Variants in RBFOX1 observed in about 807,000 individuals in gnomAD.
The protein encoded by RBFOX1 is RNA binding fox-1 homolog 1, also known as RNA binding protein fox-1 homolog 1.
RBFOX1 carries 8 observed loss-of-function variants against 57.7 expected under a neutral mutation model. That is an observed-to-expected ratio of 0.14 (90% CI 0.08 to 0.25). The LOEUF is 0.25. Ranked by LOEUF, RBFOX1 falls within the 10% of genes least tolerant of loss-of-function variation. The pLI is 1.00. For missense variants in RBFOX1, 611 were observed against 548.5 expected, an observed-to-expected ratio of 1.11 and a Z score of -1.14; for synonymous variants, 326 against 222.4, an observed-to-expected ratio of 1.47 and a Z score of -4.15.
chr16:6,830,284 C>A (rs2092612505), intron 3 of RBFOX1, among the ~76,000 whole-genome samples: 1 of 152,162 alleles, frequency 6.6e-6, no homozygotes, highest in Non-Finnish European at 1.5e-5. Context: ...CTGATATACA[C>A]AACAGGGAAA....
intron 4 of RBFOX1, among the ~76,000 whole-genome samples, chr16:7,360,541 G>A (rs2097301050): frequency 6.6e-6 from 1 of 152,132 alleles, no homozygotes; most frequent in Non-Finnish European, 1.5e-5. Context: ...GAAGGTAACG[G>A]GTGGCCTGAG....
At chr16:6,735,247 G>C (rs1028217711) in intron 3 of RBFOX1, among the ~76,000 whole-genome samples, 3 of 152,146 alleles carry the variant, frequency 2.0e-5, no homozygotes, top group Admixed American at 6.5e-5. Context: ...AAAGGGTATG[G>C]TTTGGGAGTT....
chr16:6,897,983 A>ACT (rs759303931), intron 3 of RBFOX1, among the ~76,000 whole-genome samples: 1 of 151,896 alleles, frequency 6.6e-6, no homozygotes, highest in Non-Finnish European at 1.5e-5. Context: ...AAGGTCTGTA[A>ACT]CTCTGCTAAA....
Position 5,999,369 on chromosome 16 carries a change from T to C in RBFOX1, c.351+132034T>C, listed in dbSNP as rs149338984. On this transcript the variant is annotated intron_variant, in intron 4 of 19. Coordinates refer to the RBFOX1 transcript ENST00000641259. ...CACAAATAAATCCTTCCTTAAGTCT[T>C]CAGACCGGGTCAAACTCTTCCCCCA... Among the ~76,000 whole-genome samples the C allele has an allele frequency of 5.3e-3, 813 of 152,344 alleles. 10 individuals carry two copies. The highest frequency in any genetic ancestry group is 0.018 in the African/African-American group (753 of 41,578).
intron 3 of RBFOX1, among the ~76,000 whole-genome samples, chr16:6,819,111 C>T (rs892952536): frequency 3.9e-5 from 6 of 152,124 alleles, no homozygotes; most frequent in Non-Finnish European, 5.9e-5. Flanking sequence ...TTTCAGGATC[C>T]AACAATTTCC....
At chr16:7,154,466 A>G (rs914738106) in intron 4 of RBFOX1, among the ~76,000 whole-genome samples, 4 of 152,230 alleles carry the variant, frequency 2.6e-5, no homozygotes, top group Non-Finnish European at 5.9e-5. Context: ...GATTTACCTG[A>G]CAAGAGGTCA....
chr16:5,507,230 A>G (rs1276767125), intron 2 of RBFOX1, among the ~76,000 whole-genome samples: 1 of 152,146 alleles, frequency 6.6e-6, no homozygotes. Flanking sequence ...TGCGGCCACC[A>G]TGACTGTCAT....
intron 4 of RBFOX1, among the ~76,000 whole-genome samples, chr16:7,280,194 C>T (rs1453930137): frequency 6.6e-6 from 1 of 152,208 alleles, no homozygotes; most frequent in Non-Finnish European, 1.5e-5. Context: ...TGACTAAATT[C>T]AGCTGTTTTC....
At chr16:6,930,208 A>G (rs1276671163) in intron 3 of RBFOX1, among the ~76,000 whole-genome samples, 1 of 152,224 alleles carries the variant, frequency 6.6e-6, no homozygotes, top group Non-Finnish European at 1.5e-5. Context: ...GAATATATTG[A>G]GAACTCCTAA....
At chr16:5,432,348 A>G (rs1237956065) in intron 1 of RBFOX1, among the ~76,000 whole-genome samples, 1 of 152,036 alleles carries the variant, frequency 6.6e-6, no homozygotes, top group Non-Finnish European at 1.5e-5. Flanking sequence ...TAGTCATCGT[A>G]ATAGCCCTGG....
chr16:5,827,493 C>A (rs932577841), intron 3 of RBFOX1, among the ~76,000 whole-genome samples: 2 of 151,886 alleles, frequency 1.3e-5, no homozygotes, highest in Admixed American at 6.6e-5. Context: ...TCTCTATGCA[C>A]CCCGAGAACT....
intron 3 of RBFOX1, among the ~76,000 whole-genome samples, chr16:6,916,880 C>G (rs1385134479): frequency 6.6e-6 from 1 of 152,102 alleles, no homozygotes; most frequent in Non-Finnish European, 1.5e-5. Flanking sequence ...GATGGAGTCT[C>G]TCTCTGTTGC....
At chr16:7,489,517 T>TA (rs201759419) in intron 4 of RBFOX1, among the ~76,000 whole-genome samples, 1 of 41,154 alleles carries the variant, frequency 2.4e-5, no homozygotes, top group Non-Finnish European at 4.9e-5. Context: ...TTATTATTAT[T>TA]TTTTTTTTGA....
At chr16:5,516,609 C>G (rs1468618492) in intron 2 of RBFOX1, among the ~76,000 whole-genome samples, 1 of 152,158 alleles carries the variant, frequency 6.6e-6, no homozygotes, top group Non-Finnish European at 1.5e-5. Context: ...ATCTTGATTC[C>G]TGATTTGGTT....
chr16:7,216,984 T>C, intron 4 of RBFOX1, among the ~76,000 whole-genome samples: 1 of 116,592 alleles, frequency 8.6e-6, no homozygotes, highest in South Asian at 2.8e-4. Context: ...ACAGCAGGAT[T>C]TTCCTTCCTT....
At chr16:5,548,095 A>T (rs1051855066) in intron 2 of RBFOX1, among the ~76,000 whole-genome samples, 11 of 148,604 alleles carry the variant, frequency 7.4e-5, no homozygotes, top group Admixed American at 2.7e-4. Context: ...AGTGCGGTGG[A>T]GGTTGCAGTG....
intron 1 of RBFOX1, among the ~76,000 whole-genome samples, chr16:6,133,989 T>G (rs2096648095): frequency 6.6e-6 from 1 of 152,062 alleles, no homozygotes. Context: ...CAGGGTCAAG[T>G]GCAGTGGCGC....
At chr16:6,650,214 C>G (rs1282592259) in intron 2 of RBFOX1, among the ~76,000 whole-genome samples, 1 of 152,164 alleles carries the variant, frequency 6.6e-6, no homozygotes, top group Non-Finnish European at 1.5e-5. Context: ...TGGAGAGTCT[C>G]ACTTTGAGAA....
At chr16:6,091,567 C>T (rs529425389) in intron 1 of RBFOX1, among the ~76,000 whole-genome samples, 11 of 152,284 alleles carry the variant, frequency 7.2e-5, no homozygotes, top group South Asian at 4.1e-4. Context: ...TCATGGCTCA[C>T]GCCTGTAATC....
Sources: gnomAD v4.1 joint callset for allele counts (sites outside exome capture counted in the v4.1 genomes callset) on GRCh38, gnomAD v4.1.1 for gene constraint, MANE v1.5 for transcripts, NCBI Gene and HGNC (gene_info 2026-07-23, HGNC 2026-07-21) for gene names.